IGSF5: variants seen among roughly 807,000 people sequenced by gnomAD.
IGSF5 encodes the protein immunoglobulin superfamily 5 like.
IGSF5 carries 41 observed loss-of-function variants against 39.4 expected under a neutral mutation model. The observed-to-expected ratio is 1.04, with a 90% CI of 0.81 to 1.35. The LOEUF (loss-of-function observed/expected upper bound fraction) is 1.35, where lower values mean the gene tolerates loss of function less well. Ranked by LOEUF, IGSF5 falls within the 40% of genes most tolerant of loss-of-function variation. The pLI is 0.00. For synonymous variants in IGSF5, 183 were observed against 175.3 expected (o/e 1.04, Z -0.34); for missense variants, 487 against 494.6 (o/e 0.98, Z 0.15).
intron 2 of IGSF5, among the ~76,000 whole-genome samples, chr21:39,753,404 T>C (rs527977375): frequency 1.3e-5 from 2 of 152,342 alleles, no homozygotes; most frequent in African/African-American, 4.8e-5. Flanking sequence ...AGCCTTGTAG[T>C]ATAATTTGAA....
chr21:39,797,181 A>C (rs2087000608), intron 8 of IGSF5, among the ~76,000 whole-genome samples: 1 of 151,712 alleles, frequency 6.6e-6, no homozygotes, highest in African/African-American at 2.4e-5. Flanking sequence ...AAGGTACTAT[A>C]AGGTGTGTGC....
chr21:39,757,730 C>A lies in IGSF5; in HGVS notation c.101-7805C>A, dbSNP rs185198552. Reference sequence around the variant, plus strand: ...TACCTGGGATTACAGGTGCATACCACCACACCTGGCTAATTTTTGTATTTT... The same window carrying A: ...TACCTGGGATTACAGGTGCATACCAACACACCTGGCTAATTTTTGTATTTT... On this transcript the variant is annotated intron_variant, in intron 2 of 8. Coordinates refer to ENST00000380588, the MANE Select transcript of IGSF5 (RefSeq NM_001080444.2). Among the ~76,000 whole-genome samples, 447 of 152,260 alleles carry A rather than the reference C, an allele frequency of 2.9e-3. 4 individuals carry two copies. Among genetic ancestry groups the A allele is most frequent in the African/African-American group, 0.01 (426 of 41,556 alleles).
intron 2 of IGSF5, among the ~76,000 whole-genome samples, chr21:39,759,880 A>G (rs2146276494): frequency 6.6e-6 from 1 of 151,854 alleles, no homozygotes; most frequent in Non-Finnish European, 1.5e-5. Flanking sequence ...AAAAAAAAAA[A>G]AAAAGCTGAG....
In IGSF5 at chr21:39,765,823, T is replaced by G. The variant is rs750726671; in HGVS notation, c.389T>G (p.Leu130Arg). ...NIRCSLQNSRLHGSAYLTVQV... is the reference protein window; with the variant it reads ...NIRCSLQNSRRHGSAYLTVQV... ...AGATGCAGCCTCCAGAACAGTCGCC[T>G]GCATGGATCTGCTTACCTTACCGTC... The change falls in exon 3 of 9, where the codon CTG becomes CGG. Residue 130 changes from leucine (L) to arginine (R), a missense_variant. Coordinates refer to ENST00000380588, the MANE Select transcript of IGSF5 (RefSeq NM_001080444.2). The G allele has an allele frequency of 6.2e-7, 1 of 1,613,474 alleles. No homozygotes were observed. Among genetic ancestry groups the G allele is most frequent in the African/African-American group, 1.3e-5 (1 of 74,946 alleles).
chr21:39,742,545 G>A (rs1280940370), upstream of IGSF5, among the ~76,000 whole-genome samples: 1 of 152,244 alleles, frequency 6.6e-6, no homozygotes. Context: ...CATCTGGTTA[G>A]TGTCTTCTGA....
chr21:39,789,677 G>T (rs2086949800), intron 6 of IGSF5, among the ~76,000 whole-genome samples: 1 of 152,014 alleles, frequency 6.6e-6, no homozygotes, highest in Non-Finnish European at 1.5e-5. Context: ...TAAATATAAA[G>T]ATAGGCACAA....
At chr21:39,759,018 C>T (rs983559252) in intron 2 of IGSF5, among the ~76,000 whole-genome samples, 10 of 152,204 alleles carry the variant, frequency 6.6e-5, no homozygotes, top group Middle Eastern at 6.8e-3. Context: ...CCAGTTACTC[C>T]ACCCCACTCC....
rs2087028119 is a variant in IGSF5, at chr21:39,801,361, A to G, written c.*4A>G. 1 of 1,603,902 alleles carries G rather than the reference A, an allele frequency of 6.2e-7. No homozygotes were observed. Among genetic ancestry groups the G allele is most frequent in the Non-Finnish European group, 8.5e-7 (1 of 1,170,852 alleles). ...CAGTAATACAACTGTAGTATAGCAA[A>G]GCCTTCCCCAAGCTCCACTGAGCAC... On this transcript the variant is annotated 3_prime_UTR_variant, in exon 9 of 9. Transcript: ENST00000380588.
intron 3 of IGSF5, among the ~76,000 whole-genome samples, chr21:39,767,454 A>T (rs1042336483): frequency 2.0e-5 from 3 of 152,162 alleles, no homozygotes; most frequent in African/African-American, 7.2e-5. Context: ...CTGCTTTATG[A>T]CAATGTGTGA....
At chr21:39,796,050 C>T (rs567121431) in intron 8 of IGSF5, among the ~76,000 whole-genome samples, 20 of 152,292 alleles carry the variant, frequency 1.3e-4, no homozygotes, top group African/African-American at 2.2e-4. Flanking sequence ...ACGGCCTCCA[C>T]GTTGCCCATT....
At chr21:39,747,886 A>C (rs2079983666) in intron 2 of IGSF5, among the ~76,000 whole-genome samples, 1 of 152,096 alleles carries the variant, frequency 6.6e-6, no homozygotes, top group Admixed American at 6.5e-5. Flanking sequence ...CTGGAAAGAA[A>C]ATGGTTTAAG....
At chr21:39,782,467 G>T (rs1234930040) in intron 5 of IGSF5, among the ~76,000 whole-genome samples, 2 of 151,962 alleles carry the variant, frequency 1.3e-5, no homozygotes, top group Non-Finnish European at 2.9e-5. Flanking sequence ...ACAGATCTAG[G>T]TTCATCTTGC....
the IGSF5 span, among the ~76,000 whole-genome samples, chr21:39,732,689 T>A: frequency 6.6e-6 from 1 of 152,212 alleles, no homozygotes; most frequent in African/African-American, 2.4e-5. Flanking sequence ...GAGAAATGTT[T>A]TGACATATAA....
intron 8 of IGSF5, among the ~76,000 whole-genome samples, chr21:39,797,499 G>A (rs11910070): frequency 0.056 from 8,519 of 152,086 alleles, 766 homozygotes; most frequent in African/African-American, 0.19. Flanking sequence ...TATTACAGGC[G>A]TGAGACAGCT....
At position 39,801,986 on chromosome 21, in the gene IGSF5, T is replaced by C. The variant is rs1601147887; in HGVS notation, c.*629T>C. The C allele has an allele frequency of 6.6e-6, 1 of 152,298 alleles. No individual in the cohort carries two copies. Among genetic ancestry groups the C allele is most frequent in the South Asian group, 2.1e-4 (1 of 4,834 alleles). 9.4% of individuals were successfully genotyped at this position (152,298 alleles called of 1,614,324 possible). On this transcript the variant is annotated 3_prime_UTR_variant, in exon 9 of 9. Coordinates refer to ENST00000380588, the MANE Select transcript of IGSF5 (RefSeq NM_001080444.2). ...CCTCAAATGAATTAGATGTGGCCTA[T>C]GCTTTGCAGAGGATGGACCTCACCT...
At chr21:39,712,843 T>C in the IGSF5 span, among the ~76,000 whole-genome samples, 1 of 152,152 alleles carries the variant, frequency 6.6e-6, no homozygotes, top group Non-Finnish European at 1.5e-5. Context: ...TTCACAGGCC[T>C]CCTTGTCCCA....
the IGSF5 span, among the ~76,000 whole-genome samples, chr21:39,725,449 C>T: frequency 6.6e-6 from 1 of 152,188 alleles, no homozygotes; most frequent in African/African-American, 2.4e-5. Context: ...GAGTGGTTAT[C>T]AGCATTTGAA....
At chr21:39,736,233 C>T in the IGSF5 span, among the ~76,000 whole-genome samples, 1 of 152,190 alleles carries the variant, frequency 6.6e-6, no homozygotes, top group Admixed American at 6.5e-5. Context: ...GAGTACAAAC[C>T]CCCTTTCCTC....
intron 2 of IGSF5, among the ~76,000 whole-genome samples, chr21:39,760,599 T>A (rs1359638876): frequency 6.6e-6 from 1 of 151,242 alleles, no homozygotes; most frequent in Non-Finnish European, 1.5e-5. Context: ...TTAGACGGAG[T>A]CTCACTCTGT....
Sources: allele counts gnomAD v4.1 joint callset (sites outside exome capture counted in the v4.1 genomes callset), GRCh38; gene constraint gnomAD v4.1.1; transcripts MANE v1.5; gene names NCBI Gene and HGNC (gene_info 2026-07-23, HGNC 2026-07-21).